The following PPP2R2B variants were observed in gnomAD, a reference collection of about 807,000 sequenced individuals.
PPP2R2B encodes the protein serine/threonine-protein phosphatase 2A 55 kDa regulatory subunit B beta isoform.
Under a neutral mutation model 46.0 loss-of-function variants are expected in PPP2R2B, and 5 were observed. The observed-to-expected ratio is 0.11, with a 90% CI of 0.06 to 0.23. PPP2R2B has a LOEUF of 0.23. PPP2R2B is among the 10% of genes least tolerant of loss of function. PPP2R2B has a pLI of 1.00. For synonymous variants in PPP2R2B, 215 were observed against 206.7 expected, an observed-to-expected ratio of 1.04 and a Z score of -0.34; for missense variants, 367 against 575.0, an observed-to-expected ratio of 0.64 and a Z score of 3.70.
intron 1 of PPP2R2B, among the ~76,000 whole-genome samples, chr5:147,045,779 T>C (rs1262453843): frequency 6.6e-6 from 1 of 152,158 alleles, no homozygotes; most frequent in African/African-American, 2.4e-5. Context: ...CTGTACCCCA[T>C]CTTGGTCTCT....
At chr5:147,007,845 GA>G (rs1281705726) in intron 1 of PPP2R2B, among the ~76,000 whole-genome samples, 1 of 152,082 alleles carries the variant, frequency 6.6e-6, no homozygotes, top group Non-Finnish European at 1.5e-5. Flanking sequence ...AACATTAGAG[GA>G]AAAAACTCTG....
chr5:146,900,798 C>A (rs557500764), intron 1 of PPP2R2B, among the ~76,000 whole-genome samples: 57 of 151,800 alleles, frequency 3.8e-4, no homozygotes, highest in African/African-American at 1.3e-3. Flanking sequence ...GTGCCCCATC[C>A]CCATGCACTG....
chr5:146,683,051 A>G (rs1326740175), intron 5 of PPP2R2B, among the ~76,000 whole-genome samples: 1 of 152,184 alleles, frequency 6.6e-6, no homozygotes, highest in Non-Finnish European at 1.5e-5. Flanking sequence ...TGGCCGAGAA[A>G]TACGGGTGGG....
chr5:146,927,224 G>C (rs2151819040), intron 1 of PPP2R2B, among the ~76,000 whole-genome samples: 1 of 152,174 alleles, frequency 6.6e-6, no homozygotes, highest in Non-Finnish European at 1.5e-5. Context: ...TTCCAACTTT[G>C]CACAGCTCTA....
chr5:146,916,717 G>A (rs559309329), intron 1 of PPP2R2B, among the ~76,000 whole-genome samples: 43 of 152,102 alleles, frequency 2.8e-4, no homozygotes, highest in Non-Finnish European at 5.6e-4. Flanking sequence ...TTAATCTGTA[G>A]ACTATGCCAG....
intron 1 of PPP2R2B, among the ~76,000 whole-genome samples, chr5:146,917,022 C>T (rs1323276179): frequency 6.6e-6 from 1 of 152,090 alleles, no homozygotes; most frequent in Non-Finnish European, 1.5e-5. Context: ...TAATGTGTGG[C>T]ATGTAATCAG....
At chr5:146,741,000 G>A (rs561694756) in intron 2 of PPP2R2B, among the ~76,000 whole-genome samples, 5 of 148,010 alleles carry the variant, frequency 3.4e-5, no homozygotes, top group East Asian at 4.0e-4. Flanking sequence ...TCGTGCCACC[G>A]CACTCTAGCC....
chr5:146,960,003 T>C (rs1752097622), intron 1 of PPP2R2B, among the ~76,000 whole-genome samples: 1 of 152,172 alleles, frequency 6.6e-6, no homozygotes, highest in African/African-American at 2.4e-5. Flanking sequence ...AGCACGGAAA[T>C]GTCATGATCA....
At chr5:146,664,755 T>C (rs532106794) in intron 5 of PPP2R2B, among the ~76,000 whole-genome samples, 3 of 152,316 alleles carry the variant, frequency 2.0e-5, no homozygotes, top group South Asian at 2.1e-4. Flanking sequence ...AACTATTTTT[T>C]GGTAGCGATA....
At chr5:147,037,416 G>GTA (rs1756093236) in intron 1 of PPP2R2B, among the ~76,000 whole-genome samples, 1 of 151,834 alleles carries the variant, frequency 6.6e-6, no homozygotes, top group South Asian at 2.1e-4. Context: ...GTGTGTGTGT[G>GTA]TATGTACATA....
At position 146,667,530 on chromosome 5, in the gene PPP2R2B, T is replaced by G. The variant is rs73793212; in HGVS notation, c.448-16806A>C. 7.8e-3 allele frequency among the ~76,000 whole-genome samples: 1,186 copies of G among 152,100 alleles called. 19 individuals are homozygous for G. The highest frequency in any genetic ancestry group is 0.027 in the African/African-American group (1,138 of 41,490). On this transcript the variant is annotated intron_variant, in intron 5 of 9. Coordinates refer to ENST00000394411, the MANE Select transcript of PPP2R2B (RefSeq NM_181675.4). ...AGGGAGGTGAAGTAATATTCTAGTCTGGGCTCTTTAGATTTTAAGAACAGA... is the reference window on the plus strand; with the variant it reads ...AGGGAGGTGAAGTAATATTCTAGTCGGGGCTCTTTAGATTTTAAGAACAGA...
intron 2 of PPP2R2B, among the ~76,000 whole-genome samples, chr5:146,809,049 C>A (rs1757370363): frequency 6.6e-6 from 1 of 151,738 alleles, no homozygotes; most frequent in Non-Finnish European, 1.5e-5. Flanking sequence ...GAGTTTCCAA[C>A]AGCAACAAAA....
chr5:146,818,835 C>A (rs982471492), intron 2 of PPP2R2B, among the ~76,000 whole-genome samples: 1 of 152,116 alleles, frequency 6.6e-6, no homozygotes, highest in Admixed American at 6.5e-5. Context: ...CTTGGGTAAC[C>A]TTGAGCCATT....
At chr5:146,744,878 T>C (rs2151225928) in intron 2 of PPP2R2B, among the ~76,000 whole-genome samples, 1 of 152,236 alleles carries the variant, frequency 6.6e-6, no homozygotes, top group East Asian at 1.9e-4. Context: ...AACTTTCAAA[T>C]GCATTGCTCA....
intron 1 of PPP2R2B, among the ~76,000 whole-genome samples, chr5:147,021,393 T>C (rs983778180): frequency 6.6e-6 from 1 of 152,176 alleles, no homozygotes; most frequent in Non-Finnish European, 1.5e-5. Flanking sequence ...AGAAAGAGTT[T>C]GAGAAATCTG....
intron 7 of PPP2R2B, among the ~76,000 whole-genome samples, chr5:146,603,118 C>G (rs898110998): frequency 6.6e-5 from 10 of 152,144 alleles, no homozygotes; most frequent in Admixed American, 6.5e-5. Context: ...AAAAGAGGAG[C>G]CACATTGCTT....
rs78778049 is a variant in PPP2R2B, at chr5:146,686,290, C to T, written c.447+4838G>A. 4.5e-4 allele frequency among the ~76,000 whole-genome samples: 68 copies of T among 152,050 alleles called. No individual in the cohort carries two copies. The East Asian group carries it at 0.011, about 25-fold the overall frequency. On this transcript the variant is annotated intron_variant, in intron 5 of 9. Transcript: ENST00000394411. ...CTGGGGGTGAAGAGGAGGCAGACAGCGAAGAAAATGCTAGACAGTGACAAG... is the reference window on the plus strand; with the variant it reads ...CTGGGGGTGAAGAGGAGGCAGACAGTGAAGAAAATGCTAGACAGTGACAAG...
At chr5:147,053,965 TC>T (rs1476838458) in intron 1 of PPP2R2B, among the ~76,000 whole-genome samples, 1 of 152,218 alleles carries the variant, frequency 6.6e-6, no homozygotes, top group African/African-American at 2.4e-5. Flanking sequence ...TTACCCATTG[TC>T]TTTATTAGGT....
rs1581818541 is a variant in PPP2R2B at position 146,662,122 on chromosome 5, T to C, written c.448-11398A>G. On this transcript the variant is annotated intron_variant, in intron 5 of 9. Transcript: ENST00000394411. ...CCGAGGATTGACCAAGCCTCCGAAG[T>C]ATCACACTGCATTCTGTCATTTATT... Among the ~76,000 whole-genome samples, 2 of 152,280 alleles carry C rather than the reference T, an allele frequency of 1.3e-5. 1 individual carries two copies. The highest frequency in any genetic ancestry group is 1.3e-4 in the Admixed American group (2 of 15,288).
Sources: allele counts gnomAD v4.1 joint callset (sites outside exome capture counted in the v4.1 genomes callset), GRCh38; gene constraint gnomAD v4.1.1; transcripts MANE v1.5; gene names NCBI Gene and HGNC (gene_info 2026-07-23, HGNC 2026-07-21).